SHB: variants seen among roughly 807,000 people sequenced by gnomAD.
SHB encodes SH2 domain containing adaptor protein B, also known as SH2 domain-containing adapter protein B.
Under a neutral mutation model 52.3 loss-of-function variants are expected in SHB, and 20 were observed. The observed-to-expected ratio is 0.38, with a 90% CI of 0.27 to 0.56. The LOEUF (loss-of-function observed/expected upper bound fraction) is 0.56. Among genes scored for constraint, SHB ranks in the 20% least tolerant of loss-of-function variants. SHB has a pLI of 0.71. For synonymous variants in SHB, 397 were observed against 316.5 expected (o/e 1.25, Z -2.70); for missense variants, 825 against 723.3 (o/e 1.14, Z -1.61).
At chr9:37,969,567 C>T (rs1043153596) in intron 3 of SHB, among the ~76,000 whole-genome samples, 7 of 152,174 alleles carry the variant, frequency 4.6e-5, no homozygotes, top group Admixed American at 3.3e-4. Flanking sequence ...CATGTTCATG[C>T]CCAGTCCTCA....
At chr9:38,060,562 G>A (rs1306210838) in intron 1 of SHB, among the ~76,000 whole-genome samples, 1 of 152,208 alleles carries the variant, frequency 6.6e-6, no homozygotes, top group Non-Finnish European at 1.5e-5. Context: ...AGCAGTAGTA[G>A]TAGCTACCTC....
intron 1 of SHB, among the ~76,000 whole-genome samples, chr9:38,033,951 G>T (rs955688491): frequency 1.3e-5 from 2 of 152,162 alleles, no homozygotes; most frequent in Non-Finnish European, 1.5e-5. Context: ...TACCCACACC[G>T]AGGGCACTTA....
At chr9:37,930,929 G>A (rs750306094) in intron 5 of SHB, among the ~76,000 whole-genome samples, 3 of 152,174 alleles carry the variant, frequency 2.0e-5, no homozygotes, top group Non-Finnish European at 4.4e-5. Context: ...ATAGACCAGT[G>A]AAACAGAATA....
At chr9:38,004,673 C>T (rs1339122012) in intron 2 of SHB, among the ~76,000 whole-genome samples, 2 of 152,206 alleles carry the variant, frequency 1.3e-5, no homozygotes, top group East Asian at 1.9e-4. Flanking sequence ...GGAAGGCCCC[C>T]GACCTGGTGA....
At chr9:38,003,721 C>A (rs1821046568) in intron 2 of SHB, among the ~76,000 whole-genome samples, 1 of 152,238 alleles carries the variant, frequency 6.6e-6, no homozygotes, top group Non-Finnish European at 1.5e-5. Context: ...GTACTATGTC[C>A]CTCAGTGCCC....
chr9:38,029,298 C>T (rs1821384756), intron 1 of SHB, among the ~76,000 whole-genome samples: 1 of 152,184 alleles, frequency 6.6e-6, no homozygotes. Context: ...AGCCAGAAGT[C>T]CTACCAATAA....
intron 1 of SHB, among the ~76,000 whole-genome samples, chr9:38,020,490 G>A (rs573796270): frequency 2.9e-4 from 44 of 152,330 alleles, no homozygotes; most frequent in South Asian, 6.2e-4. Flanking sequence ...AGCCCTGTTC[G>A]TTGAAGTGAA....
At chr9:37,999,729 G>A (rs566332953) in intron 2 of SHB, among the ~76,000 whole-genome samples, 33 of 152,326 alleles carry the variant, frequency 2.2e-4, no homozygotes, top group Non-Finnish European at 2.9e-4. Flanking sequence ...TGCATCCAGC[G>A]TGTCTTTGTG....
chr9:37,995,037 T>G (rs1480898090), intron 2 of SHB, among the ~76,000 whole-genome samples: 1 of 152,144 alleles, frequency 6.6e-6, no homozygotes, highest in East Asian at 1.9e-4. Flanking sequence ...CTGCTTGCAT[T>G]TGGCACTCTT....
intron 2 of SHB, among the ~76,000 whole-genome samples, chr9:38,006,374 C>T (rs929731325): frequency 6.6e-6 from 1 of 152,190 alleles, no homozygotes; most frequent in Admixed American, 6.5e-5. Flanking sequence ...TGTGGGTTTC[C>T]GCAAGGTTTC....
chr9:37,973,342 G>C (rs1260714037), intron 3 of SHB, among the ~76,000 whole-genome samples: 1 of 152,128 alleles, frequency 6.6e-6, no homozygotes, highest in East Asian at 1.9e-4. Flanking sequence ...TCCTGCCTCG[G>C]CCTCCTGAGT....
chr9:38,009,685 CA>C (rs756549501), intron 2 of SHB, among the ~76,000 whole-genome samples: 1 of 151,950 alleles, frequency 6.6e-6, no homozygotes, highest in South Asian at 2.1e-4. Flanking sequence ...TGAGAAAATA[CA>C]AAAAAAATCC....
At chr9:38,037,530 C>G (rs942348987) in intron 1 of SHB, among the ~76,000 whole-genome samples, 3 of 152,174 alleles carry the variant, frequency 2.0e-5, no homozygotes, top group Non-Finnish European at 4.4e-5. Flanking sequence ...GGTTGAAATC[C>G]ACACTGTGTC....
chr9:37,967,179 C>G (rs1178987160), intron 3 of SHB, among the ~76,000 whole-genome samples: 1 of 152,198 alleles, frequency 6.6e-6, no homozygotes, highest in African/African-American at 2.4e-5. Context: ...GTAGGGTTAA[C>G]CTATGCCAGG....
intron 5 of SHB, among the ~76,000 whole-genome samples, chr9:37,922,085 G>A (rs1156264409): frequency 6.6e-6 from 1 of 152,176 alleles, no homozygotes. Context: ...TTACGTTTTT[G>A]GGGTGCTGGA....
At chr9:37,938,787 C>T (rs911928660) in intron 5 of SHB, among the ~76,000 whole-genome samples, 2 of 152,224 alleles carry the variant, frequency 1.3e-5, no homozygotes, top group Non-Finnish European at 2.9e-5. Flanking sequence ...AGCCTGTTGA[C>T]GGGCACGTCT....
chr9:38,049,876 T>C, intron 1 of SHB, among the ~76,000 whole-genome samples: 1 of 151,198 alleles, frequency 6.6e-6, no homozygotes, highest in Non-Finnish European at 1.5e-5. Flanking sequence ...CTTGGCTCAC[T>C]GCAACCTCCG....
intron 3 of SHB, among the ~76,000 whole-genome samples, chr9:37,972,530 C>T (rs1469595097): frequency 6.6e-6 from 1 of 152,200 alleles, no homozygotes; most frequent in Non-Finnish European, 1.5e-5. Context: ...AGAACTAACC[C>T]TGATGTGGTG....
intron 4 of SHB, among the ~76,000 whole-genome samples, chr9:37,955,244 C>A (rs976410282): frequency 1.3e-5 from 2 of 152,114 alleles, no homozygotes; most frequent in African/African-American, 4.8e-5. Flanking sequence ...AGGAGTGCAC[C>A]CTGTAGACTC....
Sources: allele counts gnomAD v4.1 joint callset (sites outside exome capture counted in the v4.1 genomes callset), GRCh38; gene constraint gnomAD v4.1.1; transcripts MANE v1.5; gene names NCBI Gene and HGNC (gene_info 2026-07-23, HGNC 2026-07-21).